FBLN2: variants seen among roughly 807,000 people sequenced by gnomAD.
The protein encoded by FBLN2 is fibulin-2.
In FBLN2, 81 loss-of-function variants were observed where a neutral mutation model predicts 123.7. That is an observed-to-expected ratio of 0.65 (90% confidence interval 0.55 to 0.79). The LOEUF (loss-of-function observed/expected upper bound fraction) is 0.79. FBLN2 is among the 30% of genes least tolerant of loss of function. The pLI is 0.00. For synonymous variants in FBLN2, 699 were observed against 701.4 expected (o/e 1.00, Z 0.05); for missense variants, 1,603 against 1,681.3 (o/e 0.95, Z 0.81).
intron 2 of FBLN2, among the ~76,000 whole-genome samples, chr3:13,578,187 A>G (rs1704209897): frequency 6.6e-6 from 1 of 152,208 alleles, no homozygotes; most frequent in Non-Finnish European, 1.5e-5. Context: ...TGCAAATAAA[A>G]CCACTTTATT....
chr3:13,626,887 T>A (rs1229449851), intron 10 of FBLN2, among the ~76,000 whole-genome samples: 1 of 152,146 alleles, frequency 6.6e-6, no homozygotes, highest in African/African-American at 2.4e-5. Context: ...GCCTGGTTTG[T>A]ACATTGAGGT....
intron 1 of FBLN2, among the ~76,000 whole-genome samples, chr3:13,559,242 T>C (rs1703544932): frequency 1.3e-5 from 1 of 79,628 alleles, no homozygotes; most frequent in Admixed American, 1.5e-4. Context: ...TGGTCCAAGT[T>C]AGGTTAATCA....
At position 13,637,901 on chromosome 3, in the gene FBLN2, C is replaced by T; in HGVS notation, c.3678C>T (p.Phe1226=). ...TTFLAKMHIF[F]TTFAL ...TCCTGGCCAAGATGCACATCTTCTT[C>T]ACCACCTTTGCCCTGTGAGGTGCCA... The change falls in exon 18 of 18, where the codon TTC becomes TTT. Residue 1226 remains phenylalanine (F), a synonymous_variant. Transcript: ENST00000404922. 1 of 1,593,482 alleles carries T rather than the reference C, an allele frequency of 6.3e-7. No homozygotes were observed. The highest frequency in any genetic ancestry group is 8.6e-7 in the Non-Finnish European group (1 of 1,167,046).
intron 2 of FBLN2, among the ~76,000 whole-genome samples, chr3:13,607,268 G>A (rs1189126804): frequency 6.6e-6 from 1 of 152,144 alleles, no homozygotes; most frequent in Non-Finnish European, 1.5e-5. Context: ...TAACAGGCAT[G>A]AGCCACCGCA....
At chr3:13,559,774 T>C (rs1574942666) in intron 1 of FBLN2, among the ~76,000 whole-genome samples, 1 of 152,350 alleles carries the variant, frequency 6.6e-6, no homozygotes, top group East Asian at 1.9e-4. Flanking sequence ...CCAGAGCTGA[T>C]GGAGAACCAT....
intron 2 of FBLN2, among the ~76,000 whole-genome samples, chr3:13,579,005 C>T (rs1032863073): frequency 2.0e-5 from 3 of 152,132 alleles, no homozygotes; most frequent in Admixed American, 6.5e-5. Flanking sequence ...TGGTGAGCCA[C>T]GATCACGCCT....
chr3:13,588,657 G>A (rs1288524057), intron 2 of FBLN2, among the ~76,000 whole-genome samples: 4 of 152,246 alleles, frequency 2.6e-5, no homozygotes, highest in Non-Finnish European at 4.4e-5. Context: ...AGAAGACCAC[G>A]CTGGACAGTG....
At chr3:13,633,677 A>G (rs1399138569) in intron 16 of FBLN2, among the ~76,000 whole-genome samples, 5 of 152,206 alleles carry the variant, frequency 3.3e-5, no homozygotes, top group Non-Finnish European at 1.5e-5. Flanking sequence ...AATGTGTTGG[A>G]TAATGTCCCC....
chr3:13,552,013 A>AT (rs1289709257), intron 1 of FBLN2, among the ~76,000 whole-genome samples: 3 of 151,548 alleles, frequency 2.0e-5, no homozygotes, highest in African/African-American at 7.3e-5. Context: ...CTAATTTTCT[A>AT]TTTTTTGTAG....
intron 1 of FBLN2, among the ~76,000 whole-genome samples, chr3:13,566,135 TC>T (rs59321872): frequency 0.051 from 7,772 of 152,180 alleles, 668 homozygotes; most frequent in African/African-American, 0.18. Context: ...GCTGGGACTG[TC>T]CCCCCGCAGG....
At chr3:13,610,426 C>G (rs1705352988) in intron 4 of FBLN2, among the ~76,000 whole-genome samples, 1 of 152,100 alleles carries the variant, frequency 6.6e-6, no homozygotes, top group Non-Finnish European at 1.5e-5. Context: ...GGGTAAAACC[C>G]CACCAGGCAA....
At chr3:13,621,985 C>T in intron 9 of FBLN2, 70 bp downstream of exon 9, 1 of 1,552,640 alleles carries the variant, frequency 6.4e-7, no homozygotes, top group Non-Finnish European at 8.7e-7. Flanking sequence ...GCCCACCACA[C>T]TGTGGCCACA....
intron 1 of FBLN2, among the ~76,000 whole-genome samples, chr3:13,552,912 C>T (rs1217416198): frequency 6.6e-6 from 1 of 152,136 alleles, no homozygotes; most frequent in Admixed American, 6.5e-5. Flanking sequence ...ACACAGGGCC[C>T]CTTTTAAGGT....
chr3:13,608,323 G>A (rs1705276650), intron 3 of FBLN2, 150 bp downstream of exon 3: 15 of 632,314 alleles, frequency 2.4e-5, no homozygotes, highest in East Asian at 1.9e-4. Context: ...GCTGCCGTGC[G>A]CCATCTGGCC....
chr3:13,581,512 C>T (rs956000196), intron 2 of FBLN2, among the ~76,000 whole-genome samples: 3 of 152,046 alleles, frequency 2.0e-5, no homozygotes, highest in Admixed American at 1.3e-4. Flanking sequence ...GTATGCGTGC[C>T]GTAAACCTCA....
chr3:13,573,326 AT>A (rs1704024532), intron 2 of FBLN2, among the ~76,000 whole-genome samples: 1 of 151,382 alleles, frequency 6.6e-6, no homozygotes, highest in South Asian at 2.1e-4. Context: ...CTGCCCACTT[AT>A]CACCTCATCC....
chr3:13,583,269 C>T lies in FBLN2; in HGVS notation c.1306+11608C>T, dbSNP rs1266436415. Among the ~76,000 whole-genome samples, 3 of 152,376 alleles carry T rather than the reference C, an allele frequency of 2.0e-5. No individual in the cohort carries two copies. In the East Asian group the frequency reaches 5.8e-4, roughly 29 times the overall value. On this transcript the variant is annotated intron_variant, in intron 2 of 17. Coordinates refer to ENST00000404922, the MANE Select transcript of FBLN2 (RefSeq NM_001004019.2). ...GCCAGGCACTGTGTTAATCACTGGA[C>T]GCGTATCAGTCCATTATGTGTCGTG...
At position 13,563,980 on chromosome 3, in the gene FBLN2, G is replaced by A. The variant is rs146094196; in HGVS notation, c.-41-6335G>A. On this transcript the variant is annotated intron_variant, in intron 1 of 17. Transcript: ENST00000404922. ...GTAGAGATGACTCAGGAAGCCCAAC[G>A]ATGCCAATGGGAAGGGAGTGTGCAT... 6.3e-3 allele frequency among the ~76,000 whole-genome samples: 959 copies of A among 152,320 alleles called. 12 individuals carry two copies. The highest frequency in any genetic ancestry group is 0.022 in the African/African-American group (917 of 41,566).
rs193115479 is a variant in FBLN2 at position 13,595,009 on chromosome 3, C to A, written c.1307-13053C>A. 5.8e-3 allele frequency among the ~76,000 whole-genome samples: 888 copies of A among 152,316 alleles called. 7 individuals carry two copies. The highest frequency in any genetic ancestry group is 0.02 in the African/African-American group (844 of 41,558). On this transcript the variant is annotated intron_variant, in intron 2 of 17. Transcript: ENST00000404922. Reference sequence around the variant, plus strand: ...CTGGGGTGAGATCCTGCGGCTGCCCCGGCTGGGTGTGTGGTCTGGGGCAAG... The same window carrying A: ...CTGGGGTGAGATCCTGCGGCTGCCCAGGCTGGGTGTGTGGTCTGGGGCAAG...
Sources: gnomAD v4.1 joint callset for allele counts (sites outside exome capture counted in the v4.1 genomes callset) on GRCh38, gnomAD v4.1.1 for gene constraint, MANE v1.5 for transcripts, NCBI Gene and HGNC (gene_info 2026-07-23, HGNC 2026-07-21) for gene names.